The following VRK3 variants were observed in gnomAD, a reference collection of about 807,000 sequenced individuals.
VRK3 encodes VRK serine/threonine kinase 3.
Under a neutral mutation model 60.4 loss-of-function variants are expected in VRK3, and 50 were observed. The ratio of observed to expected loss-of-function variants is 0.83; its 90% CI spans 0.66 to 1.05. The LOEUF is 1.05. Among genes scored for constraint, VRK3 ranks in the 50% least tolerant of loss-of-function variants. VRK3 has a pLI of 0.00. For synonymous variants in VRK3, 246 were observed against 227.8 expected (o/e 1.08, Z -0.72); for missense variants, 549 against 585.3 (o/e 0.94, Z 0.64).
intron 1 of VRK3, among the ~76,000 whole-genome samples, chr19:50,023,513 C>T (rs1367827541): frequency 2.0e-5 from 3 of 152,140 alleles, no homozygotes; most frequent in African/African-American, 4.8e-5. Context: ...CATGTTTTAT[C>T]CTCCTTACCT....
rs184949023 is a variant in VRK3, at chr19:49,976,788, G to C, written c.*12-4C>G. 7.2e-4 allele frequency: 109 copies of C among 152,276 alleles called. No homozygotes were observed. The highest frequency in any genetic ancestry group is 3.4e-3 in the Middle Eastern group (1 of 294). The allele number at this position is 152,276 out of a possible 1,614,324, so 9.4% of individuals were successfully genotyped here. ...TGCACACTGCAAATGGAAAGTTCTG[G>C]AAGACAATAAAAATGCTGTTAGTGT... On this transcript the variant is annotated splice_polypyrimidine_tract_variant and splice_region_variant and intron_variant, in intron 14 of 14. Coordinates refer to ENST00000316763, the MANE Select transcript of VRK3 (RefSeq NM_016440.4).
chr19:49,997,617 G>T, intron 6 of VRK3, 47 bp from the exon 7 acceptor site: 1 of 1,607,326 alleles, frequency 6.2e-7, no homozygotes, highest in Non-Finnish European at 8.5e-7. Flanking sequence ...TGAAGTCTCA[G>T]ATAAGGGCCC....
intron 10 of VRK3, among the ~76,000 whole-genome samples, chr19:49,991,518 T>TACACACACACAC (rs937491646): frequency 0.017 from 2,622 of 150,758 alleles, 72 homozygotes; most frequent in African/African-American, 0.062. Flanking sequence ...AATAAATCTC[T>TACACACACACAC]ACACACACAC....
chr19:49,996,586 T>G (rs555632243), intron 7 of VRK3, among the ~76,000 whole-genome samples: 2 of 152,346 alleles, frequency 1.3e-5, no homozygotes, highest in East Asian at 3.9e-4. Flanking sequence ...ACCTTTGTTT[T>G]GAATATAATT....
intron 6 of VRK3, chr19:50,000,193 C>T (rs1322603307): frequency 6.5e-6 from 1 of 152,714 alleles, no homozygotes; most frequent in African/African-American, 2.4e-5. Flanking sequence ...GGGCTATGAA[C>T]CACCACGATG....
intron 4 of VRK3, 72 bp from the exon 5 acceptor site, chr19:50,007,898 A>G (rs1038374895): frequency 6.3e-7 from 1 of 1,586,584 alleles, no homozygotes. Context: ...GTGAAACAGC[A>G]CGCAAAATAC....
At chr19:50,017,279 A>G (rs2077093914) in intron 2 of VRK3, among the ~76,000 whole-genome samples, 1 of 151,976 alleles carries the variant, frequency 6.6e-6, no homozygotes, top group East Asian at 1.9e-4. Context: ...TTAGCAATTA[A>G]AAGTGAAACT....
chr19:49,993,772 G>A (rs1446027038), intron 9 of VRK3, among the ~76,000 whole-genome samples: 6 of 152,028 alleles, frequency 3.9e-5, no homozygotes, highest in African/African-American at 9.7e-5. Context: ...TTTGACCCCA[G>A]GGCTCTACTG....
At position 49,995,171 on chromosome 19, in the gene VRK3, C is replaced by G. The variant is rs759566845; in HGVS notation, c.764+20G>C. ...AGAGGAAAGAGGCCGGTGAGGCAAGCAGTGAGCAGAGCAGCTCACCTGTAT... is the reference window on the plus strand; with the variant it reads ...AGAGGAAAGAGGCCGGTGAGGCAAGGAGTGAGCAGAGCAGCTCACCTGTAT... On this transcript the variant is annotated intron_variant, in intron 8 of 14. Coordinates refer to ENST00000316763, the MANE Select transcript of VRK3 (RefSeq NM_016440.4). 17 of 1,610,348 alleles carry G rather than the reference C, an allele frequency of 1.1e-5. No homozygotes were observed. The Admixed American group carries it at 2.8e-4, about 27-fold the overall frequency.
At chr19:49,995,809 C>T (rs753818116) in intron 7 of VRK3, among the ~76,000 whole-genome samples, 44 of 152,136 alleles carry the variant, frequency 2.9e-4, no homozygotes, top group Non-Finnish European at 5.0e-4. Context: ...AATACAATGG[C>T]GCGATCTTGG....
At chr19:49,992,726 T>C (rs1432200595) in intron 10 of VRK3, 134 bp downstream of exon 10, 1 of 742,596 alleles carries the variant, frequency 1.3e-6, no homozygotes, top group Non-Finnish European at 2.2e-6. Context: ...TCTTATTTAT[T>C]TGAAGGAGCT....
Position 49,997,571 on chromosome 19 carries a change from C to T in VRK3, c.613-1G>A. The stretch of plus-strand genomic sequence containing the variant: ...TGAACAAGCGCCCATCCTTGGCATC[C>T]TGGTGGGGGACAGGAGGGGCAGAAG... On this transcript the variant is annotated splice_acceptor_variant, in intron 6 of 14. Coordinates refer to ENST00000316763, the MANE Select transcript of VRK3 (RefSeq NM_016440.4). LOFTEE classifies it high-confidence loss of function. 1 of 1,613,914 alleles carries T rather than the reference C, an allele frequency of 6.2e-7. No individual in the cohort carries two copies. The highest frequency in any genetic ancestry group is 8.5e-7 in the Non-Finnish European group (1 of 1,179,876).
intron 14 of VRK3, 156 bp downstream of exon 14, chr19:49,978,927 A>G (rs2076375711): frequency 1.6e-6 from 1 of 637,890 alleles, no homozygotes. Context: ...GAGGCTGGGA[A>G]GTTCAAGGAC....
At chr19:49,976,834 C>G (rs2076338298) in intron 14 of VRK3, 50 bp from the exon 15 acceptor site, 1 of 152,140 alleles carries the variant, frequency 6.6e-6, no homozygotes, top group Admixed American at 6.5e-5. Flanking sequence ...CAAGGAACAC[C>G]CTCTATGCCT....
intron 12 of VRK3, chr19:49,981,757 A>G: frequency 9.7e-7 from 1 of 1,029,654 alleles, no homozygotes; most frequent in Non-Finnish European, 1.2e-6. Flanking sequence ...CGCACACCCA[A>G]AGGTGACCTC....
Position 50,001,736 on chromosome 19 carries a change from G to A in VRK3, c.548-882C>T, listed in dbSNP as rs2122290654. Among the ~76,000 whole-genome samples, 2 of 151,164 alleles carry A rather than the reference G, an allele frequency of 1.3e-5. 1 individual carries two copies. Among genetic ancestry groups the A allele is most frequent in the Non-Finnish European group, 2.9e-5 (2 of 67,854 alleles). Reference sequence around the variant, plus strand: ...GGTCCCATCTGACAGATGAGAAGAGGAGAGAGGCCAAGAAACGCCAGGCTG... The same window carrying A: ...GGTCCCATCTGACAGATGAGAAGAGAAGAGAGGCCAAGAAACGCCAGGCTG... On this transcript the variant is annotated intron_variant, in intron 5 of 14. Coordinates refer to ENST00000316763, the MANE Select transcript of VRK3 (RefSeq NM_016440.4).
At chr19:50,013,964 TGAATA>T (rs780536158) in intron 3 of VRK3, among the ~76,000 whole-genome samples, 1 of 152,006 alleles carries the variant, frequency 6.6e-6, no homozygotes, top group Non-Finnish European at 1.5e-5. Context: ...AAGTAACAAT[TGAATA>T]AATATCTGAA....
intron 10 of VRK3, among the ~76,000 whole-genome samples, chr19:49,991,542 C>T (rs780453404): frequency 6.6e-6 from 1 of 152,112 alleles, no homozygotes; most frequent in Non-Finnish European, 1.5e-5. Context: ...CACGCACACA[C>T]ACACACACCC....
At chr19:49,987,322 CTT>C (rs1355254820) in intron 12 of VRK3, among the ~76,000 whole-genome samples, 2 of 152,082 alleles carry the variant, frequency 1.3e-5, no homozygotes, top group African/African-American at 4.8e-5. Flanking sequence ...TAGCACTTCC[CTT>C]TTGTGTCCCG....
Sources: gnomAD v4.1 joint callset for allele counts (sites outside exome capture counted in the v4.1 genomes callset) on GRCh38, gnomAD v4.1.1 for gene constraint, MANE v1.5 for transcripts, NCBI Gene and HGNC (gene_info 2026-07-23, HGNC 2026-07-21) for gene names.